The following B3GNT3 variants were observed in gnomAD, a reference collection of about 807,000 sequenced individuals.
B3GNT3 encodes the protein UDP-GlcNAc:betaGal beta-1,3-N-acetylglucosaminyltransferase 3, also known as N-acetyllactosaminide beta-1,3-N-acetylglucosaminyltransferase 3.
A neutral mutation model predicts 11.6 loss-of-function variants in B3GNT3; 7 were observed. The observed-to-expected ratio is 0.60, with a 90% CI of 0.34 to 1.13. The LOEUF (loss-of-function observed/expected upper bound fraction) is 1.13, where lower values mean the gene tolerates loss of function less well. Among genes scored for constraint, B3GNT3 ranks in the 50% most tolerant of loss-of-function variants. The pLI is 0.03. For missense variants in B3GNT3, 400 were observed against 507.4 expected (o/e 0.79, Z 2.03); for synonymous variants, 201 against 222.1 (o/e 0.90, Z 0.85).
At chr19:17,800,721 CT>C (rs2094165106) in intron 1 of B3GNT3, among the ~76,000 whole-genome samples, 1 of 151,890 alleles carries the variant, frequency 6.6e-6, no homozygotes, top group African/African-American at 2.4e-5. Flanking sequence ...AATCCCAGCA[CT>C]TTGGGAGGCT....
chr19:17,796,966 C>T (rs1033340230), intron 1 of B3GNT3, among the ~76,000 whole-genome samples: 1 of 152,122 alleles, frequency 6.6e-6, no homozygotes, highest in Admixed American at 6.6e-5. Flanking sequence ...ATCTGGCTTG[C>T]CTTGATTGCT....
intron 1 of B3GNT3, among the ~76,000 whole-genome samples, chr19:17,802,400 G>C (rs1176466062): frequency 6.6e-6 from 1 of 152,204 alleles, no homozygotes; most frequent in Non-Finnish European, 1.5e-5. Context: ...GTAGCATCCT[G>C]TGGGAGCACA....
intron 1 of B3GNT3, among the ~76,000 whole-genome samples, chr19:17,807,266 G>T (rs1049991954): frequency 1.3e-5 from 2 of 151,828 alleles, no homozygotes; most frequent in Admixed American, 6.6e-5. Context: ...GAGGCAGGTG[G>T]ATCACTTGAG....
chr19:17,807,960 T>TCCCGGCCCCC lies in B3GNT3; in HGVS notation c.155_156insCGGCCCCCCC (p.Pro53GlyfsTer53). 12 of 1,609,530 alleles carry TCCCGGCCCCC rather than the reference T, an allele frequency of 7.5e-6. No individual in the cohort carries two copies. Among genetic ancestry groups the TCCCGGCCCCC allele is most frequent in the East Asian group, 2.2e-5 (1 of 44,726 alleles). ...TCCCCGAGGCCCTGGCCTGGCCCACTCCACCCACCCGCCCAGCCCCGGCCC... is the reference window on the plus strand; with the variant it reads ...TCCCCGAGGCCCTGGCCTGGCCCACTCCCGGCCCCCCCACCCACCCGCCCAGCCCCGGCCC... On this transcript the variant is annotated frameshift_variant, in exon 2 of 3. Transcript: ENST00000318683. LOFTEE classifies it high-confidence loss of function.
intron 1 of B3GNT3, among the ~76,000 whole-genome samples, chr19:17,798,998 G>T (rs1419061666): frequency 2.6e-5 from 4 of 152,106 alleles, no homozygotes; most frequent in African/African-American, 9.7e-5. Flanking sequence ...AAATCTCATT[G>T]TTGGCGCTTC....
rs144099310 is a variant in B3GNT3 at position 17,808,044 on chromosome 19, C to T, written c.237C>T (p.His79=). The change falls in exon 2 of 3, where the codon CAC becomes CAT. Residue 79 remains histidine, a synonymous_variant. Coordinates refer to ENST00000318683, the MANE Select transcript of B3GNT3 (RefSeq NM_014256.4). ...CGGACTTCGCCACGCAGCCGCAGCA[C>T]GTTCAGAACTTCCTCCTGTACAGAC... ...THPDFATQPQ[H]VQNFLLYRHC... 178 of 1,613,246 alleles carry T rather than the reference C, an allele frequency of 1.1e-4. No individual in the cohort carries two copies. In the African/African-American group the frequency reaches 2.2e-3, roughly 20 times the overall value.
rs191360859 is a variant in B3GNT3 at position 17,801,798 on chromosome 19, T to A, written c.-50-5960T>A. ...CACCACACCAGGCTAATTAAAAAAA[T>A]TTTTTTTGGCTGGGCATGGTGGCTC... On this transcript the variant is annotated intron_variant, in intron 1 of 2. Transcript: ENST00000318683. Among the ~76,000 whole-genome samples the A allele has an allele frequency of 5.2e-3, 787 of 151,576 alleles. 7 individuals carry two copies. The highest frequency in any genetic ancestry group is 0.018 in the African/African-American group (722 of 41,184).
At position 17,811,042 on chromosome 19, in the gene B3GNT3, CTT is replaced by C. The variant is rs1271478985; in HGVS notation, c.568-528_568-527del. ...TGCGTAGCATAGCAAGATCCCATCT[CTT>C]AAAAAAAAAAAAATTATTAGCCAGG... On this transcript the variant is annotated intron_variant, in intron 2 of 2. Coordinates refer to ENST00000318683, the MANE Select transcript of B3GNT3 (RefSeq NM_014256.4). The surrounding 1 kb of genome is among the most constrained non-coding windows in gnomAD (Gnocchi z 4.1). Among the ~76,000 whole-genome samples the C allele has an allele frequency of 6.6e-6, 1 of 150,486 alleles. No homozygotes were observed. Among genetic ancestry groups the C allele is most frequent in the Admixed American group, 6.6e-5 (1 of 15,056 alleles).
At chr19:17,800,872 C>A (rs2094165289) in intron 1 of B3GNT3, among the ~76,000 whole-genome samples, 1 of 151,922 alleles carries the variant, frequency 6.6e-6, no homozygotes. Context: ...GAGGCTGAGG[C>A]AGGAGAATCA....
intron 1 of B3GNT3, among the ~76,000 whole-genome samples, chr19:17,804,240 C>CTTTTTTTTTTTTTTTTTTTTTT (rs773524591): frequency 2.6e-4 from 29 of 112,172 alleles, no homozygotes; most frequent in African/African-American, 3.1e-4. Flanking sequence ...TCTTTTTTTT[C>CTTTTTTTTTTTTTTTTTTTTTT]TTTTTTTTTT....
intron 1 of B3GNT3, among the ~76,000 whole-genome samples, chr19:17,802,481 G>A (rs1433943096): frequency 6.6e-6 from 1 of 152,194 alleles, no homozygotes; most frequent in East Asian, 1.9e-4. Context: ...GAGAAGCGAA[G>A]AGATTTCCCA....
At chr19:17,800,982 T>A (rs1331785042) in intron 1 of B3GNT3, among the ~76,000 whole-genome samples, 1 of 149,398 alleles carries the variant, frequency 6.7e-6, no homozygotes, top group East Asian at 1.9e-4. Context: ...AATATATATA[T>A]GTATATATAT....
chr19:17,808,154 C>T lies in B3GNT3; in HGVS notation c.347C>T (p.Ser116Phe), dbSNP rs1287797771. 2.5e-6 allele frequency: 4 copies of T among 1,612,556 alleles called. No homozygotes were observed. Among genetic ancestry groups the T allele is most frequent in the East Asian group, 4.5e-5 (2 of 44,832 alleles). ...PVFLLLVIKS[S>F]PSNYVRRELL... ...TTCCTGCTGCTGGTGATCAAGTCCT[C>T]CCCTAGCAACTATGTGCGCCGCGAG... The change falls in exon 2 of 3, where the codon TCC becomes TTC. Residue 116 changes from serine to phenylalanine, a missense_variant. Ser to Phe is a radical substitution (Grantham distance 155, BLOSUM62 -2). Coordinates refer to ENST00000318683, the MANE Select transcript of B3GNT3 (RefSeq NM_014256.4).
intron 1 of B3GNT3, among the ~76,000 whole-genome samples, chr19:17,797,162 A>G (rs865959060): frequency 1.3e-5 from 2 of 152,126 alleles, no homozygotes; most frequent in Admixed American, 6.6e-5. Context: ...ACACATATAG[A>G]GTTTAGATGG....
At chr19:17,805,712 G>A (rs774384222) in intron 1 of B3GNT3, among the ~76,000 whole-genome samples, 19 of 152,114 alleles carry the variant, frequency 1.2e-4, no homozygotes, top group Non-Finnish European at 2.5e-4. Flanking sequence ...TCATCCTTCA[G>A]GACCTCCCTG....
At chr19:17,808,863 G>A (rs2094177135) in intron 2 of B3GNT3, among the ~76,000 whole-genome samples, 1 of 151,848 alleles carries the variant, frequency 6.6e-6, no homozygotes, top group Non-Finnish European at 1.5e-5. Context: ...TTTTTTTAAT[G>A]GAGTCTTGCT....
intron 1 of B3GNT3, among the ~76,000 whole-genome samples, chr19:17,803,124 G>A (rs2147648526): frequency 6.6e-6 from 1 of 152,164 alleles, no homozygotes; most frequent in South Asian, 2.1e-4. Context: ...TCCTGCCTCA[G>A]CCTCCTGAGT....
At chr19:17,807,054 G>A (rs772186105) in intron 1 of B3GNT3, among the ~76,000 whole-genome samples, 8 of 150,704 alleles carry the variant, frequency 5.3e-5, no homozygotes, top group Admixed American at 2.7e-4. Context: ...TCACTGAGGC[G>A]GTCACCACAC....
chr19:17,811,565 C>A lies in B3GNT3; in HGVS notation c.568-6C>A, dbSNP rs940827570. 2.5e-6 allele frequency: 4 copies of A among 1,605,366 alleles called. No individual in the cohort carries two copies. Among genetic ancestry groups the A allele is most frequent in the Non-Finnish European group, 3.4e-6 (4 of 1,174,484 alleles). On this transcript the variant is annotated splice_polypyrimidine_tract_variant and splice_region_variant and intron_variant, in intron 2 of 2. Coordinates refer to ENST00000318683, the MANE Select transcript of B3GNT3 (RefSeq NM_014256.4). This position sits in a 1 kb window ranked among gnomAD's most constrained non-coding sequence, Gnocchi z 4.1. The stretch of plus-strand genomic sequence containing the variant: ...AGCAAGCATGCCCTGTCCACCCTGC[C>A]TGCAGGTCCTGTTCTTACAGTGGCA...
Sources: allele counts gnomAD v4.1 joint callset (sites outside exome capture counted in the v4.1 genomes callset), GRCh38; gene constraint gnomAD v4.1.1; non-coding constraint Gnocchi (gnomAD v3.1); transcripts MANE v1.5; gene names NCBI Gene and HGNC (gene_info 2026-07-23, HGNC 2026-07-21).